RBFOX1: variants seen among roughly 807,000 people sequenced by gnomAD.
RBFOX1 encodes the protein RNA binding fox-1 homolog 1.
RBFOX1 carries 8 observed loss-of-function variants against 57.7 expected under a neutral mutation model. The ratio of observed to expected loss-of-function variants is 0.14; its 90% confidence interval spans 0.08 to 0.25. The LOEUF is 0.25. Among genes scored for constraint, RBFOX1 ranks in the 10% least tolerant of loss-of-function variants. The pLI is 1.00. For missense variants in RBFOX1, 611 were observed against 548.5 expected (o/e 1.11, Z -1.14); for synonymous variants, 326 against 222.4 (o/e 1.47, Z -4.15).
At chr16:6,662,320 TA>T (rs1212862731) in intron 3 of RBFOX1, among the ~76,000 whole-genome samples, 5 of 152,206 alleles carry the variant, frequency 3.3e-5, no homozygotes. Flanking sequence ...ATGGATATGT[TA>T]ATTAGCTTGG....
At chr16:6,826,532 A>C (rs2092161483) in intron 3 of RBFOX1, among the ~76,000 whole-genome samples, 1 of 152,180 alleles carries the variant, frequency 6.6e-6, no homozygotes, top group Non-Finnish European at 1.5e-5. Context: ...CAGTGTGGGC[A>C]CAGTCTTCCG....
intron 3 of RBFOX1, among the ~76,000 whole-genome samples, chr16:5,745,934 T>G (rs945666163): frequency 6.6e-6 from 1 of 152,212 alleles, no homozygotes; most frequent in African/African-American, 2.4e-5. Context: ...CAGAAGCTCT[T>G]TAGTTTAATT....
At chr16:7,030,824 A>G (rs762781457) in intron 3 of RBFOX1, among the ~76,000 whole-genome samples, 1 of 152,230 alleles carries the variant, frequency 6.6e-6, no homozygotes, top group East Asian at 1.9e-4. Flanking sequence ...ACTTGACTTC[A>G]TCCGTGTCTG....
intron 4 of RBFOX1, among the ~76,000 whole-genome samples, chr16:7,389,866 T>G (rs74012536): frequency 6.6e-6 from 1 of 152,134 alleles, no homozygotes; most frequent in African/African-American, 2.4e-5. Flanking sequence ...AGTCCACTGC[T>G]GTTTTCCAAA....
At chr16:6,051,602 C>T (rs912239904) in intron 1 of RBFOX1, among the ~76,000 whole-genome samples, 5 of 151,998 alleles carry the variant, frequency 3.3e-5, no homozygotes, top group African/African-American at 9.7e-5. Context: ...TCTCTGTCAC[C>T]CAGACTGCTG....
At chr16:6,445,293 G>A (rs1401180102) in intron 2 of RBFOX1, among the ~76,000 whole-genome samples, 2 of 151,992 alleles carry the variant, frequency 1.3e-5, no homozygotes, top group Non-Finnish European at 2.9e-5. Context: ...CAACGTGCAG[G>A]TTTGTTACAT....
chr16:6,768,439 A>G (rs567139347), intron 3 of RBFOX1, among the ~76,000 whole-genome samples: 2 of 152,192 alleles, frequency 1.3e-5, no homozygotes, highest in African/African-American at 4.8e-5. Context: ...GAGTGCAGAG[A>G]GAGAGGGAAA....
At chr16:6,636,978 G>A (rs1340805495) in intron 2 of RBFOX1, among the ~76,000 whole-genome samples, 19 of 123,426 alleles carry the variant, frequency 1.5e-4, no homozygotes, top group Non-Finnish European at 2.9e-4. Flanking sequence ...GTATATTTAT[G>A]TATATGTATC....
chr16:7,050,145 C>G (rs900404319), intron 3 of RBFOX1, among the ~76,000 whole-genome samples: 2 of 132,632 alleles, frequency 1.5e-5, no homozygotes, highest in African/African-American at 7.0e-5. Context: ...GTGTATAATT[C>G]AATGTGGGCT....
intron 3 of RBFOX1, among the ~76,000 whole-genome samples, chr16:5,621,332 A>G (rs1191720044): frequency 6.6e-6 from 1 of 152,122 alleles, no homozygotes; most frequent in African/African-American, 2.4e-5. Context: ...GGTCTCACAA[A>G]TATGTCTCAC....
At chr16:6,223,702 T>G (rs1210860333) in intron 1 of RBFOX1, among the ~76,000 whole-genome samples, 1 of 152,222 alleles carries the variant, frequency 6.6e-6, no homozygotes, top group Non-Finnish European at 1.5e-5. Context: ...GCTCTTTAGT[T>G]TAATTAGATC....
chr16:7,133,344 T>C (rs7206460), intron 4 of RBFOX1, among the ~76,000 whole-genome samples: 41,853 of 152,154 alleles, frequency 0.28, 6,702 homozygotes, highest in East Asian at 0.53. Context: ...GGACTCTTGT[T>C]TCTGTAAATT....
At chr16:7,194,491 C>G (rs1195072139) in intron 4 of RBFOX1, among the ~76,000 whole-genome samples, 1 of 152,076 alleles carries the variant, frequency 6.6e-6, no homozygotes, top group East Asian at 1.9e-4. Flanking sequence ...AAATCTAGCT[C>G]TTTGGGGCTA....
chr16:5,561,137 G>A (rs1340938192), intron 2 of RBFOX1, among the ~76,000 whole-genome samples: 1 of 152,180 alleles, frequency 6.6e-6, no homozygotes, highest in East Asian at 1.9e-4. Flanking sequence ...CAGGGCAGGA[G>A]GGGTGGGAAA....
chr16:6,770,736 TG>T (rs2078150541), intron 3 of RBFOX1, among the ~76,000 whole-genome samples: 1 of 152,192 alleles, frequency 6.6e-6, no homozygotes, highest in South Asian at 2.1e-4. Context: ...TAGGCTGAGC[TG>T]TACCTGCTGG....
intron 4 of RBFOX1, among the ~76,000 whole-genome samples, chr16:7,453,560 C>T (rs922679797): frequency 3.3e-5 from 5 of 152,106 alleles, no homozygotes; most frequent in African/African-American, 1.2e-4. Flanking sequence ...GACAGTAAGC[C>T]AGGAGCTCTG....
intron 1 of RBFOX1, among the ~76,000 whole-genome samples, chr16:6,117,284 CAA>C (rs34255679): frequency 6.6e-6 from 1 of 150,644 alleles, no homozygotes; most frequent in African/African-American, 2.4e-5. Context: ...GCTAAACGTA[CAA>C]AAAAAAATAT....
chr16:5,812,297 G>A lies in RBFOX1; in HGVS notation c.319-55006G>A, dbSNP rs143207099. ...CATGTGCTTTTCTTTCTCTTGAGTA[G>A]CTAGAAGTAGAAAGGCTGGATCATT... On this transcript the variant is annotated intron_variant, in intron 3 of 19. Coordinates refer to the RBFOX1 transcript ENST00000641259. 7.1e-3 allele frequency among the ~76,000 whole-genome samples: 1,082 copies of A among 152,256 alleles called. 20 individuals carry two copies. The highest frequency in any genetic ancestry group is 0.025 in the African/African-American group (1,019 of 41,532).
At chr16:6,969,546 G>T (rs991271638) in intron 3 of RBFOX1, among the ~76,000 whole-genome samples, 7 of 151,800 alleles carry the variant, frequency 4.6e-5, no homozygotes, top group African/African-American at 2.4e-5. Flanking sequence ...ACCACACTGG[G>T]CAACAAAATG....
Sources: allele counts gnomAD v4.1 joint callset (sites outside exome capture counted in the v4.1 genomes callset), GRCh38; gene constraint gnomAD v4.1.1; transcripts MANE v1.5; gene names NCBI Gene and HGNC (gene_info 2026-07-23, HGNC 2026-07-21).